GC: variants seen among roughly 807,000 people sequenced by gnomAD.
The protein encoded by GC is GC vitamin D binding protein, also known as vitamin D-binding protein.
In GC, 43 loss-of-function variants were observed where a neutral mutation model predicts 56.7. The ratio of observed to expected loss-of-function variants is 0.76; its 90% CI spans 0.59 to 0.98. The LOEUF is 0.98. GC is among the 50% of genes least tolerant of loss of function. The pLI, the probability that GC is intolerant of heterozygous loss-of-function variation, is 0.00. For missense variants in GC, 529 were observed against 545.9 expected (o/e 0.97, Z 0.31); for synonymous variants, 216 against 202.7 (o/e 1.07, Z -0.56).
At chr4:71,743,887 A>C (rs1206322127) in intron 12 of GC, among the ~76,000 whole-genome samples, 3 of 152,228 alleles carry the variant, frequency 2.0e-5, no homozygotes, top group Non-Finnish European at 4.4e-5. Context: ...AATTTTAGGA[A>C]GGAATATGTG....
intron 1 of GC, among the ~76,000 whole-genome samples, chr4:71,778,561 A>T (rs924052425): frequency 5.3e-5 from 8 of 151,894 alleles, no homozygotes; most frequent in African/African-American, 1.4e-4. Context: ...ATTACCACAC[A>T]TTCCTGTGTT....
rs551990743 is a variant in GC at position 71,792,243 on chromosome 4, T to A, written c.22-8189A>T. Among the ~76,000 whole-genome samples, 5 of 152,364 alleles carry A rather than the reference T, an allele frequency of 3.3e-5. No homozygotes were observed. The South Asian group carries it at 1.0e-3, about 32-fold the overall frequency. On this transcript the variant is annotated intron_variant, in intron 1 of 13. Transcript: ENST00000504199. Reference sequence around the variant, plus strand: ...CTAGATCCTTGAGGAATCGTCACACTGTTTTCCACAATGGTTGAACTAATT... The same window carrying A: ...CTAGATCCTTGAGGAATCGTCACACAGTTTTCCACAATGGTTGAACTAATT...
At chr4:71,760,922 G>T (rs940784628) in intron 6 of GC, among the ~76,000 whole-genome samples, 2 of 152,142 alleles carry the variant, frequency 1.3e-5, no homozygotes, top group Non-Finnish European at 2.9e-5. Context: ...CTCTTTCTTT[G>T]TAAATTGCCC....
chr4:71,742,999 G>A (rs116801548), intron 12 of GC, among the ~76,000 whole-genome samples: 376 of 152,206 alleles, frequency 2.5e-3, no homozygotes, highest in African/African-American at 8.6e-3. Flanking sequence ...GGGGGTAAGA[G>A]ACAGAGATTC....
At position 71,755,101 on chromosome 4, in the gene GC, T is replaced by C. The variant is rs1741722288; in HGVS notation, c.1041A>G (p.Thr347=). The stretch of plus-strand genomic sequence containing the variant: ...GATGAGTCCTTCTGCTTAGTTCAAA[T>C]GTATACCTAGCATGAGGGAGAAAAG... ...PGNTKVMDKY[T]FELSRRTHLP... Residue 347 remains threonine, a synonymous_variant, in exon 9 of 13, where the codon ACA becomes ACG. Coordinates refer to ENST00000273951, the MANE Select transcript of GC (RefSeq NM_000583.4). The C allele has an allele frequency of 1.3e-6, 2 of 1,547,062 alleles. No homozygotes were observed. The highest frequency in any genetic ancestry group is 4.7e-5 in the East Asian group (2 of 42,200).
Position 71,758,171 on chromosome 4 carries a change from G to A in GC, c.702C>T (p.Ser234=). 1 of 1,610,642 alleles carries A rather than the reference G, an allele frequency of 6.2e-7. No individual in the cohort carries two copies. The highest frequency in any genetic ancestry group is 8.5e-7 in the Non-Finnish European group (1 of 1,178,010). The change falls in exon 7 of 13, where the codon AGC becomes AGT. Residue 234 remains serine, a splice_region_variant and synonymous_variant. Transcript: ENST00000273951. ...CTTTTTGGGCTAACTTTATGAGATTGCTAAACAGTTAAAAATAAATATGTT... is the reference window on the plus strand; with the variant it reads ...CTTTTTGGGCTAACTTTATGAGATTACTAAACAGTTAAAAATAAATATGTT... ...AAYGEKKSRL[S]NLIKLAQKVP...
At chr4:71,796,490 C>T (rs1578325137) in intron 1 of GC, among the ~76,000 whole-genome samples, 2 of 152,322 alleles carry the variant, frequency 1.3e-5, no homozygotes, top group East Asian at 3.9e-4. Flanking sequence ...ACAAAGTTCT[C>T]TTGCCATGGT....
chr4:71,747,402 G>A (rs1741410087), intron 11 of GC, among the ~76,000 whole-genome samples: 1 of 152,086 alleles, frequency 6.6e-6, no homozygotes, highest in South Asian at 2.1e-4. Context: ...AAATTTAAGA[G>A]ACAGGTAAAG....
intron 1 of GC, among the ~76,000 whole-genome samples, chr4:71,782,611 C>T (rs1742719059): frequency 6.6e-6 from 1 of 151,760 alleles, no homozygotes; most frequent in South Asian, 2.1e-4. Context: ...CCAAAGGACA[C>T]TTTCATTCTT....
chr4:71,790,511 T>C (rs749199209), intron 1 of GC, among the ~76,000 whole-genome samples: 1 of 151,960 alleles, frequency 6.6e-6, no homozygotes, highest in Non-Finnish European at 1.5e-5. Flanking sequence ...GTTTTGAATG[T>C]ACATTCTGAT....
intron 8 of GC, among the ~76,000 whole-genome samples, chr4:71,756,129 G>T (rs1225428551): frequency 6.6e-6 from 1 of 151,752 alleles, no homozygotes; most frequent in African/African-American, 2.4e-5. Flanking sequence ...TCTGTGCTTG[G>T]TATCTCTTTT....
At chr4:71,780,925 C>T (rs1387223523) in intron 1 of GC, among the ~76,000 whole-genome samples, 1 of 152,140 alleles carries the variant, frequency 6.6e-6, no homozygotes, top group Non-Finnish European at 1.5e-5. Flanking sequence ...GCTATAAAGA[C>T]ACATGCACAT....
At chr4:71,804,808 A>G (rs1376403781), upstream of GC, among the ~76,000 whole-genome samples, 1 of 151,610 alleles carries the variant, frequency 6.6e-6, no homozygotes, top group Non-Finnish European at 1.5e-5. Context: ...ACAGGGTCCC[A>G]TAACTGTTGT....
intron 8 of GC, among the ~76,000 whole-genome samples, chr4:71,755,324 G>A (rs145351863): frequency 0.022 from 3,404 of 151,694 alleles, 126 homozygotes; most frequent in African/African-American, 0.079. Context: ...CACCATGCCC[G>A]GCTAAGTTTT....
chr4:71,755,927 C>T (rs1286694876), intron 8 of GC, among the ~76,000 whole-genome samples: 3 of 152,182 alleles, frequency 2.0e-5, no homozygotes, highest in South Asian at 4.1e-4. Context: ...ATATTTCAAC[C>T]TGCTGCTTCA....
At chr4:71,803,164 T>C (rs1743291038) in intron 1 of GC, among the ~76,000 whole-genome samples, 1 of 152,172 alleles carries the variant, frequency 6.6e-6, no homozygotes, top group African/African-American at 2.4e-5. Flanking sequence ...GGCTTGTTAT[T>C]TTACTTCTTC....
At position 71,763,461 on chromosome 4, in the gene GC, T is replaced by G; in HGVS notation, c.648A>C (p.Ser216=). 4.4e-6 allele frequency: 7 copies of G among 1,607,622 alleles called. No homozygotes were observed. The highest frequency in any genetic ancestry group is 6.0e-6 in the Non-Finnish European group (7 of 1,174,432). Reference sequence around the variant, plus strand: ...CAGCATATTGTGAGCAGACTCTATTTGACAGAGTGGTGAGAAGTGATAAAT... The same window carrying G: ...CAGCATATTGTGAGCAGACTCTATTGGACAGAGTGGTGAGAAGTGATAAAT... ...LKHLSLLTTL[S]NRVCSQYAAY... The change falls in exon 6 of 13, where the codon TCA becomes TCC. Residue 216 remains serine, a synonymous_variant. Coordinates refer to ENST00000273951, the MANE Select transcript of GC (RefSeq NM_000583.4).
intron 5 of GC, 114 bp downstream of exon 5, chr4:71,763,690 G>C (rs76295463): frequency 7.9e-6 from 7 of 882,516 alleles, no homozygotes; most frequent in South Asian, 6.9e-5. Context: ...AAGATGCAAG[G>C]GTGGCATTTT....
intron 11 of GC, 128 bp from the exon 12 acceptor site, chr4:71,746,333 T>C: frequency 1.8e-6 from 1 of 548,682 alleles, no homozygotes. Context: ...AGATGCAATG[T>C]TACATTGCAG....
Sources: gnomAD v4.1 joint callset for allele counts (sites outside exome capture counted in the v4.1 genomes callset) on GRCh38, gnomAD v4.1.1 for gene constraint, MANE v1.5 for transcripts, NCBI Gene and HGNC (gene_info 2026-07-23, HGNC 2026-07-21) for gene names.